OTOGL: variants seen among roughly 807,000 people sequenced by gnomAD.
OTOGL encodes the protein otogelin-like protein.
A neutral mutation model predicts 318.5 loss-of-function variants in OTOGL; 285 were observed. That is an observed-to-expected ratio of 0.89 (90% CI 0.81 to 0.99). OTOGL has a LOEUF of 0.99. Among genes scored for constraint, OTOGL ranks in the 50% least tolerant of loss-of-function variants. The pLI is 0.00. For missense variants in OTOGL, 2,899 were observed against 2,845.6 expected, an observed-to-expected ratio of 1.02 and a Z score of -0.43; for synonymous variants, 987 against 936.5, an observed-to-expected ratio of 1.05 and a Z score of -0.99.
chr12:80,356,186 G>T (rs575459458), intron 47 of OTOGL, among the ~76,000 whole-genome samples: 56 of 152,296 alleles, frequency 3.7e-4, no homozygotes, highest in African/African-American at 1.2e-3. Context: ...AATCTTTGAT[G>T]TATGAATCAA....
rs536524299 is a variant in OTOGL at position 80,354,162 on chromosome 12, A to G, written c.5593+652A>G. Among the ~76,000 whole-genome samples the G allele has an allele frequency of 2.0e-5, 3 of 152,258 alleles. No homozygotes were observed. In the South Asian group the frequency reaches 6.2e-4, roughly 32 times the overall value. ...GTGAGTGAGTTATTGCTCTTGTGAG[A>G]CTAGATTAGTTCTAGCAGAAATGGA... On this transcript the variant is annotated intron_variant, in intron 46 of 58. Coordinates refer to ENST00000547103, the MANE Select transcript of OTOGL (RefSeq NM_001378609.3).
chr12:80,104,826 G>T (rs1427878864), intron 1 of OTOGL, among the ~76,000 whole-genome samples: 2 of 152,094 alleles, frequency 1.3e-5, no homozygotes, highest in East Asian at 1.9e-4. Context: ...CTGGCACGGT[G>T]GCTCATGCCT....
chr12:80,241,641 TA>T (rs1442475803), intron 11 of OTOGL, among the ~76,000 whole-genome samples: 1 of 152,190 alleles, frequency 6.6e-6, no homozygotes, highest in African/African-American at 2.4e-5. Context: ...TAGTCTGAGA[TA>T]AAATATTGTT....
At chr12:80,364,307 G>A (rs1275556359) in intron 52 of OTOGL, among the ~76,000 whole-genome samples, 2 of 152,030 alleles carry the variant, frequency 1.3e-5, no homozygotes, top group African/African-American at 2.4e-5. Context: ...AGTGACTAAG[G>A]TGATTTTAAA....
chr12:80,123,702 G>A (rs902922650), intron 1 of OTOGL, among the ~76,000 whole-genome samples: 3 of 152,044 alleles, frequency 2.0e-5, no homozygotes, highest in Non-Finnish European at 4.4e-5. Flanking sequence ...AGCACCTGTT[G>A]TTTCCTGACT....
chr12:80,245,035 G>C (rs1408122466), intron 11 of OTOGL, among the ~76,000 whole-genome samples: 1 of 144,766 alleles, frequency 6.9e-6, no homozygotes, highest in Non-Finnish European at 1.5e-5. Context: ...AAATTTGTTT[G>C]AGTTCATTGT....
Position 80,252,140 on chromosome 12 carries a change from A to G in OTOGL, c.1224A>G (p.Thr408=). 7.6e-6 allele frequency: 12 copies of G among 1,580,662 alleles called. No individual in the cohort carries two copies. Among genetic ancestry groups the G allele is most frequent in the Non-Finnish European group, 9.5e-6 (11 of 1,161,220 alleles). ...TCAGTTGTTGTCCACCAACCTGCAC[A>G]TTTGAGAAGCAATGTCTTGGGAGCA... The part of the protein sequence containing the change: ...DCISCCPPTC[T]FEKQCLGSNL... Residue 408 remains threonine (T), a synonymous_variant, in exon 13 of 59, where the codon ACA becomes ACG. Transcript: ENST00000547103.
chr12:80,248,832 A>C (rs1881177504), intron 11 of OTOGL, among the ~76,000 whole-genome samples: 1 of 149,624 alleles, frequency 6.7e-6, no homozygotes, highest in Non-Finnish European at 1.5e-5. Context: ...CTTTTCACAT[A>C]GTCCCATATT....
At chr12:80,254,341 AT>A (rs1292459361) in intron 14 of OTOGL, among the ~76,000 whole-genome samples, 182 bp from the exon 15 acceptor site, 2 of 146,016 alleles carry the variant, frequency 1.4e-5, no homozygotes, top group Admixed American at 7.1e-5. Context: ...TGCAGAGATG[AT>A]TTTTTTATTA....
intron 1 of OTOGL, among the ~76,000 whole-genome samples, chr12:80,134,745 A>G (rs1871443670): frequency 6.6e-6 from 1 of 152,290 alleles, no homozygotes; most frequent in East Asian, 1.9e-4. Flanking sequence ...TATCTGCCTT[A>G]AGATCAAATT....
At chr12:80,344,030 G>A (rs915961536) in intron 44 of OTOGL, among the ~76,000 whole-genome samples, 4 of 152,110 alleles carry the variant, frequency 2.6e-5, no homozygotes, top group Non-Finnish European at 4.4e-5. Context: ...GCTGCCCTAC[G>A]CGTTCCCTGA....
At chr12:80,202,485 C>T (rs1876529330) in intron 1 of OTOGL, among the ~76,000 whole-genome samples, 1 of 152,130 alleles carries the variant, frequency 6.6e-6, no homozygotes. Flanking sequence ...GTTGGCCAGA[C>T]AGGTCTCAAA....
At chr12:80,328,175 C>A (rs577114413) in intron 35 of OTOGL, among the ~76,000 whole-genome samples, 2 of 151,636 alleles carry the variant, frequency 1.3e-5, no homozygotes, top group Non-Finnish European at 2.9e-5. Flanking sequence ...AAAAATTAGC[C>A]AGGCATGATG....
At chr12:80,335,565 G>A (rs1028098306) in intron 38 of OTOGL, among the ~76,000 whole-genome samples, 1 of 151,940 alleles carries the variant, frequency 6.6e-6, no homozygotes, top group Non-Finnish European at 1.5e-5. Context: ...TATTTAAATA[G>A]CATTAAGTTG....
intron 11 of OTOGL, among the ~76,000 whole-genome samples, chr12:80,248,311 C>G (rs1434015478): frequency 2.0e-5 from 3 of 146,522 alleles, no homozygotes; most frequent in African/African-American, 7.8e-5. Context: ...ACCAGTTGTT[C>G]CTTTCCATGT....
rs1299346827 is a variant in OTOGL at position 80,271,717 on chromosome 12, G to T, written c.2588G>T (p.Gly863Val). 1.9e-6 allele frequency: 3 copies of T among 1,612,914 alleles called. No homozygotes were observed. Among genetic ancestry groups the T allele is most frequent in the Non-Finnish European group, 2.5e-6 (3 of 1,179,260 alleles). The stretch of plus-strand genomic sequence containing the variant: ...CCTGACCCTGAATTACCAGCTGGTG[G>T]TGTTAATTGTGAGACTACATGTGCA... ...RFPDPELPAG[G>V]VNCETTCANL... is the part of the protein sequence containing the mutation. Residue 863 changes from glycine (G) to valine (V), a missense_variant, in exon 24 of 59, where the codon GGT becomes GTT. Around this residue, in one of 3 missense-constraint regions of OTOGL, gnomAD observed 2,607 missense variants for 2,524.9 expected, o/e 1.03. Transcript: ENST00000547103.
chr12:80,217,552 A>G, intron 4 of OTOGL, 46 bp from the exon 5 acceptor site: 1 of 1,308,252 alleles, frequency 7.6e-7, no homozygotes, highest in South Asian at 1.3e-5. Flanking sequence ...TTTGGCTTGA[A>G]TTAAATAATT....
rs540154011 is a variant in OTOGL, at chr12:80,268,878, A to G, written c.2466-1224A>G. On this transcript the variant is annotated intron_variant, in intron 22 of 58. Coordinates refer to ENST00000547103, the MANE Select transcript of OTOGL (RefSeq NM_001378609.3). ...GGTGTCCTGTCTTTTTGGATTTAAC[A>G]TGATTAATGTATGTAAACTTAGCAA... Among the ~76,000 whole-genome samples the G allele has an allele frequency of 1.1e-4, 17 of 150,542 alleles. No individual in the cohort carries two copies. In the East Asian group the frequency reaches 3.1e-3, roughly 28 times the overall value.
At chr12:80,239,308 G>A (rs753778077) in intron 10 of OTOGL, 25 bp from the exon 11 acceptor site, 2 of 1,505,132 alleles carry the variant, frequency 1.3e-6, no homozygotes, top group South Asian at 2.3e-5. Flanking sequence ...ACATAGTCTA[G>A]TGACTGCCAT....
Sources: allele counts gnomAD v4.1 joint callset (sites outside exome capture counted in the v4.1 genomes callset), GRCh38; gene constraint gnomAD v4.1.1; regional missense constraint gnomAD v4.1.1; transcripts MANE v1.5; gene names NCBI Gene and HGNC (gene_info 2026-07-23, HGNC 2026-07-21).